SMARCC1: variants seen among roughly 807,000 people sequenced by gnomAD.
SMARCC1 encodes SWI/SNF complex subunit SMARCC1.
In SMARCC1, 43 loss-of-function variants were observed where a neutral mutation model predicts 147.4. The ratio of observed to expected loss-of-function variants is 0.29; its 90% CI spans 0.23 to 0.38. SMARCC1 has a LOEUF of 0.38. SMARCC1 is among the 10% of genes least tolerant of loss of function. The pLI is 1.00. For missense variants in SMARCC1, 1,119 were observed against 1,381.1 expected (o/e 0.81, Z 3.01); for synonymous variants, 495 against 484.4 (o/e 1.02, Z -0.29).
chr3:47,650,189 C>T (rs1479741363), intron 21 of SMARCC1, among the ~76,000 whole-genome samples: 5 of 151,482 alleles, frequency 3.3e-5, no homozygotes, highest in East Asian at 1.9e-4. Flanking sequence ...GGCAGGAGAA[C>T]GGCGAGAACC....
At chr3:47,613,056 A>C (rs1017541226) in intron 25 of SMARCC1, among the ~76,000 whole-genome samples, 22 of 152,204 alleles carry the variant, frequency 1.4e-4, no homozygotes, top group Admixed American at 7.9e-4. Context: ...GTTAACTAGG[A>C]ATTTCTGAGA....
At chr3:47,668,822 C>A (rs556273063) in intron 19 of SMARCC1, among the ~76,000 whole-genome samples, 6 of 151,326 alleles carry the variant, frequency 4.0e-5, no homozygotes, top group African/African-American at 1.5e-4. Context: ...GAAATTGAGG[C>A]TGCAGTGGAC....
At chr3:47,609,976 GA>G (rs1405490939) in intron 26 of SMARCC1, 89 bp downstream of exon 26, 31 of 1,425,118 alleles carry the variant, frequency 2.2e-5, no homozygotes, top group Non-Finnish European at 2.9e-5. Context: ...GTCTTCATCA[GA>G]AAACACCAAC....
chr3:47,678,839 T>C (rs1322157842), intron 15 of SMARCC1, among the ~76,000 whole-genome samples: 1 of 152,198 alleles, frequency 6.6e-6, no homozygotes, highest in East Asian at 1.9e-4. Flanking sequence ...ATGCTGCCAG[T>C]GTGGTAGCTC....
intron 21 of SMARCC1, among the ~76,000 whole-genome samples, chr3:47,658,283 T>C (rs1425893130): frequency 1.3e-5 from 2 of 152,240 alleles, no homozygotes; most frequent in Non-Finnish European, 2.9e-5. Flanking sequence ...TTTATTGAGA[T>C]GTAATTCACA....
intron 26 of SMARCC1, among the ~76,000 whole-genome samples, chr3:47,596,017 G>A (rs2032272889): frequency 6.7e-6 from 1 of 150,030 alleles, no homozygotes; most frequent in Non-Finnish European, 1.5e-5. Flanking sequence ...ACAGGTGTGA[G>A]CTACCAAACC....
intron 11 of SMARCC1, among the ~76,000 whole-genome samples, chr3:47,700,844 T>C (rs1053828187): frequency 6.6e-5 from 10 of 152,154 alleles, no homozygotes; most frequent in African/African-American, 1.9e-4. Flanking sequence ...TTTAATTACA[T>C]TGAATAGAAG....
At chr3:47,635,076 A>C in intron 24 of SMARCC1, 114 bp downstream of exon 24, 1 of 843,100 alleles carries the variant, frequency 1.2e-6, no homozygotes, top group African/African-American at 1.7e-5. Flanking sequence ...CCATTCAAGC[A>C]GTCATCTCCT....
intron 24 of SMARCC1, among the ~76,000 whole-genome samples, chr3:47,631,647 C>T (rs1408137045): frequency 6.6e-6 from 1 of 152,170 alleles, no homozygotes; most frequent in African/African-American, 2.4e-5. Flanking sequence ...GGGACAATAA[C>T]AGAAGCCATA....
intron 9 of SMARCC1, among the ~76,000 whole-genome samples, chr3:47,708,942 TTAATATTTTTGTTTCC>T (rs1199996304): frequency 6.6e-6 from 1 of 152,164 alleles, no homozygotes; most frequent in Non-Finnish European, 1.5e-5. Flanking sequence ...GCCCAGTCAT[TTAATATTTTTGTTTCC>T]TAATATTTTT....
chr3:47,664,996 A>ATT (rs34171401), intron 19 of SMARCC1, among the ~76,000 whole-genome samples: 3 of 151,494 alleles, frequency 2.0e-5, no homozygotes, highest in East Asian at 1.9e-4. Flanking sequence ...TACTTCAAAG[A>ATT]TTTTTTTTTC....
chr3:47,725,772 G>A (rs891437057), intron 6 of SMARCC1, among the ~76,000 whole-genome samples: 1 of 151,774 alleles, frequency 6.6e-6, no homozygotes, highest in African/African-American at 2.4e-5. Flanking sequence ...TTTTAAAATG[G>A]TGAATTTTGC....
chr3:47,760,301 G>T (rs2034758966), intron 2 of SMARCC1, among the ~76,000 whole-genome samples: 1 of 152,200 alleles, frequency 6.6e-6, no homozygotes, highest in South Asian at 2.1e-4. Context: ...AACAGAGAAA[G>T]GCTGTCTCAA....
chr3:47,779,856 T>C (rs1001188177), intron 1 of SMARCC1, among the ~76,000 whole-genome samples: 19 of 152,210 alleles, frequency 1.2e-4, no homozygotes, highest in African/African-American at 3.1e-4. Context: ...ACCCAAAGCA[T>C]TGGCTAAAAG....
intron 6 of SMARCC1, among the ~76,000 whole-genome samples, chr3:47,721,010 C>T (rs562213498): frequency 2.6e-5 from 4 of 152,260 alleles, no homozygotes; most frequent in African/African-American, 9.6e-5. Context: ...ATACTCCCAT[C>T]CCATTCACCC....
At chr3:47,740,783 A>C (rs2034500174) in intron 3 of SMARCC1, among the ~76,000 whole-genome samples, 1 of 150,276 alleles carries the variant, frequency 6.7e-6, no homozygotes, top group South Asian at 2.1e-4. Context: ...GGCTAGAAGA[A>C]TGTGCAGCTT....
chr3:47,612,585 GA>G (rs2032578574), intron 25 of SMARCC1, among the ~76,000 whole-genome samples: 1 of 152,014 alleles, frequency 6.6e-6, no homozygotes, highest in South Asian at 2.1e-4. Context: ...ACCTTGGAAA[GA>G]AAAAAAGAAT....
intron 3 of SMARCC1, among the ~76,000 whole-genome samples, chr3:47,742,424 T>A (rs1004654605): frequency 6.6e-6 from 1 of 152,206 alleles, no homozygotes; most frequent in Admixed American, 6.6e-5. Flanking sequence ...CCGTTTGGAT[T>A]TCCATGAATA....
Position 47,662,533 on chromosome 3 carries a change from A to C in SMARCC1, c.1959T>G (p.Thr653=), listed in dbSNP as rs773672868. 1 of 1,612,704 alleles carries C rather than the reference A, an allele frequency of 6.2e-7. No homozygotes were observed. Among genetic ancestry groups the C allele is most frequent in the South Asian group, 1.1e-5 (1 of 91,068 alleles). Residue 653 remains threonine (T), a synonymous_variant, in exon 20 of 28, where the codon ACT becomes ACG. Transcript: ENST00000254480. ...NKVSEHVGSR[T]QDECILHFLR... is the part of the protein sequence containing the mutation. ...AAAAGTGGAGGATGCATTCATCCTG[A>C]GTACGACTTCCAACATGTTCCGACA...
Sources: gnomAD v4.1 joint callset for allele counts (sites outside exome capture counted in the v4.1 genomes callset) on GRCh38, gnomAD v4.1.1 for gene constraint, MANE v1.5 for transcripts, NCBI Gene and HGNC (gene_info 2026-07-23, HGNC 2026-07-21) for gene names.